RELN: variants seen among roughly 807,000 people sequenced by gnomAD.
The protein encoded by RELN is reelin.
In RELN, 108 loss-of-function variants were observed where a neutral mutation model predicts 427.6. The ratio of observed to expected loss-of-function variants is 0.25; its 90% CI spans 0.22 to 0.30. The LOEUF (loss-of-function observed/expected upper bound fraction) is 0.30, where lower values mean the gene tolerates loss of function less well. Ranked by LOEUF, RELN falls within the 10% of genes least tolerant of loss-of-function variation. The pLI is 1.00. For missense variants in RELN, 3,715 were observed against 4,302.8 expected, an observed-to-expected ratio of 0.86 and a Z score of 3.82; for synonymous variants, 1,524 against 1,513.4, an observed-to-expected ratio of 1.01 and a Z score of -0.16.
chr7:103,986,985 A>T (rs1039950672), intron 1 of RELN, among the ~76,000 whole-genome samples: 1 of 149,686 alleles, frequency 6.7e-6, no homozygotes, highest in Admixed American at 6.7e-5. Context: ...TGAATTTTTT[A>T]AATTAATTTT....
At chr7:103,889,584 G>A (rs900945621) in intron 2 of RELN, among the ~76,000 whole-genome samples, 1 of 152,064 alleles carries the variant, frequency 6.6e-6, no homozygotes, top group Non-Finnish European at 1.5e-5. Context: ...TGGAGTCAGA[G>A]CCACTCCTTC....
intron 16 of RELN, among the ~76,000 whole-genome samples, chr7:103,642,812 A>T (rs1262708204): frequency 6.6e-6 from 1 of 152,142 alleles, no homozygotes; most frequent in Non-Finnish European, 1.5e-5. Flanking sequence ...TGTGACAGCA[A>T]GAAAAAGTCA....
In RELN at chr7:103,520,972, T is replaced by A. The variant is rs995284877; in HGVS notation, c.7668+1050A>T. Among the ~76,000 whole-genome samples, 37 of 132,668 alleles carry A rather than the reference T, an allele frequency of 2.8e-4. 3 individuals are homozygous for A. Among genetic ancestry groups the A allele is most frequent in the African/African-American group, 8.2e-4 (29 of 35,452 alleles). The allele number at this position is 132,668 out of a possible 152,430, so 87.0% of individuals were successfully genotyped here. A position where few individuals can be genotyped will look rare whatever the true frequency, so the allele number is the denominator to read the frequency against. ...TAAATTTGTTATTTTTTTTTTTTTT[T>A]TTTTTTTTTTTTTTTGAGACGGAGT... On this transcript the variant is annotated intron_variant, in intron 48 of 64. Transcript: ENST00000428762.
intron 51 of RELN, among the ~76,000 whole-genome samples, chr7:103,509,119 C>A (rs1829312380): frequency 4.6e-5 from 7 of 152,204 alleles, no homozygotes; most frequent in Admixed American, 4.6e-4. Flanking sequence ...CATCAAGCTA[C>A]TATTGACTTT....
intron 4 of RELN, among the ~76,000 whole-genome samples, chr7:103,769,361 G>A (rs532134015): frequency 6.1e-4 from 93 of 152,270 alleles, no homozygotes; most frequent in African/African-American, 2.2e-3. Context: ...TCCACCACGT[G>A]AGGATACAGC....
chr7:103,981,995 T>C (rs1017597961), intron 1 of RELN, among the ~76,000 whole-genome samples: 1 of 152,120 alleles, frequency 6.6e-6, no homozygotes, highest in Non-Finnish European at 1.5e-5. Flanking sequence ...GGCAAAACCC[T>C]GTCTCTAGTA....
intron 28 of RELN, among the ~76,000 whole-genome samples, chr7:103,578,250 C>T (rs1034748350): frequency 2.0e-5 from 3 of 152,006 alleles, no homozygotes; most frequent in African/African-American, 7.3e-5. Context: ...TCTATAGACC[C>T]AAGAAGCAGA....
chr7:103,884,766 T>C (rs1270675328), intron 2 of RELN, among the ~76,000 whole-genome samples: 1 of 152,096 alleles, frequency 6.6e-6, no homozygotes, highest in African/African-American at 2.4e-5. Context: ...CAGCAATCAT[T>C]AAAAAGTCAG....
At chr7:103,802,575 C>T (rs776022309) in intron 3 of RELN, among the ~76,000 whole-genome samples, 5 of 152,008 alleles carry the variant, frequency 3.3e-5, no homozygotes, top group East Asian at 3.9e-4. Context: ...ATTCAAGATA[C>T]CCAAATGTGA....
intron 64 of RELN, among the ~76,000 whole-genome samples, chr7:103,474,237 G>A (rs1236534863): frequency 6.6e-6 from 1 of 151,912 alleles, no homozygotes; most frequent in Admixed American, 6.6e-5. Flanking sequence ...AATTTCATCA[G>A]ATATGTATAA....
intron 40 of RELN, among the ~76,000 whole-genome samples, chr7:103,552,504 T>G (rs1830435949): frequency 6.8e-6 from 1 of 147,716 alleles, no homozygotes; most frequent in Non-Finnish European, 1.5e-5. Context: ...CTGAATTCTT[T>G]TTTTTTTTTT....
At chr7:103,696,984 C>T (rs1027269742) in intron 10 of RELN, among the ~76,000 whole-genome samples, 2 of 152,146 alleles carry the variant, frequency 1.3e-5, no homozygotes, top group Admixed American at 6.6e-5. Context: ...GACAACTATT[C>T]TGAATTTTTC....
intron 44 of RELN, 137 bp from the exon 45 acceptor site, chr7:103,539,464 G>A (rs985642033): frequency 2.5e-6 from 2 of 805,530 alleles, no homozygotes; most frequent in Middle Eastern, 3.5e-4. Flanking sequence ...CCAGCAGAAT[G>A]TGAGGGGCCT....
At chr7:103,648,056 T>C (rs1046649357) in intron 16 of RELN, among the ~76,000 whole-genome samples, 1 of 151,970 alleles carries the variant, frequency 6.6e-6, no homozygotes. Flanking sequence ...TTAACTCAGA[T>C]GGAATAAATA....
intron 6 of RELN, among the ~76,000 whole-genome samples, chr7:103,732,679 T>C (rs34041659): frequency 0.15 from 22,326 of 152,042 alleles, 1,739 homozygotes; most frequent in South Asian, 0.21. Context: ...AGGAAAGTAA[T>C]TCCTGGCTTA....
At chr7:103,930,938 T>C (rs1053823381) in intron 1 of RELN, among the ~76,000 whole-genome samples, 1 of 151,480 alleles carries the variant, frequency 6.6e-6, no homozygotes, top group Non-Finnish European at 1.5e-5. Flanking sequence ...TAAATGACTT[T>C]TGAAATCCAA....
At chr7:103,911,873 A>G (rs1795374859) in intron 2 of RELN, among the ~76,000 whole-genome samples, 1 of 135,988 alleles carries the variant, frequency 7.4e-6, no homozygotes, top group African/African-American at 2.8e-5. Flanking sequence ...GGGAGGGGGG[A>G]GAGATAGCAT....
intron 51 of RELN, among the ~76,000 whole-genome samples, chr7:103,508,200 C>G (rs10246732): frequency 0.016 from 2,511 of 152,262 alleles, 78 homozygotes; most frequent in African/African-American, 0.058. Flanking sequence ...CAGCATCATC[C>G]TGCTACCAAA....
intron 56 of RELN, 103 bp downstream of exon 56, chr7:103,496,423 G>A: frequency 6.8e-7 from 1 of 1,462,724 alleles, no homozygotes; most frequent in Non-Finnish European, 9.6e-7. Context: ...AGGAGTATGG[G>A]CTAGGCACTC....
Sources: gnomAD v4.1 joint callset for allele counts (sites outside exome capture counted in the v4.1 genomes callset) on GRCh38, gnomAD v4.1.1 for gene constraint, MANE v1.5 for transcripts, NCBI Gene and HGNC (gene_info 2026-07-23, HGNC 2026-07-21) for gene names.